Variants in ITSN2 observed in about 807,000 individuals in gnomAD.
ITSN2 encodes intersectin 2, also known as intersectin-2.
Under a neutral mutation model 243.7 loss-of-function variants are expected in ITSN2, and 156 were observed. That is an observed-to-expected ratio of 0.64 (90% CI 0.56 to 0.73). The LOEUF is 0.73. Ranked by LOEUF, ITSN2 falls within the 30% of genes least tolerant of loss-of-function variation. The pLI is 0.00. For synonymous variants in ITSN2, 703 were observed against 699.9 expected, an observed-to-expected ratio of 1.00 and a Z score of -0.07; for missense variants, 1,801 against 1,996.1, an observed-to-expected ratio of 0.90 and a Z score of 1.86.
In ITSN2 at chr2:24,254,356, C is replaced by G. The variant is rs751558482; in HGVS notation, c.2953+11G>C. 33 of 1,602,376 alleles carry G rather than the reference C, an allele frequency of 2.1e-5. No homozygotes were observed. The highest frequency in any genetic ancestry group is 3.3e-5 in the Admixed American group (2 of 59,924). ...GATTACCATCTAATTTACAAATTGC[C>G]AAAAGCTTACCTTCTCCAACTGAAT... On this transcript the variant is annotated intron_variant, in intron 24 of 39. Coordinates refer to ENST00000355123, the MANE Select transcript of ITSN2 (RefSeq NM_006277.3).
intron 19 of ITSN2, among the ~76,000 whole-genome samples, chr2:24,271,380 C>T (rs1461198392): frequency 6.6e-6 from 1 of 152,040 alleles, no homozygotes; most frequent in Non-Finnish European, 1.5e-5. Context: ...AAAAGAGATA[C>T]AATACTACTA....
chr2:24,284,689 A>C, intron 17 of ITSN2, 74 bp downstream of exon 17: 1 of 860,578 alleles, frequency 1.2e-6, no homozygotes, highest in Non-Finnish European at 1.9e-6. Context: ...GATAAAGGCA[A>C]AGAATAGTCT....
Position 24,315,882 on chromosome 2 carries a change from T to G in ITSN2, c.32-658A>C, listed in dbSNP as rs187522762. ...TGGAACTGTGAGTCAATTAAACCCT[T>G]TTTTTCATAAATTACTCAGTCTCAG... is the stretch of plus-strand genomic sequence containing the variant. On this transcript the variant is annotated intron_variant, in intron 2 of 39. Coordinates refer to ENST00000355123, the MANE Select transcript of ITSN2 (RefSeq NM_006277.3). Among the ~76,000 whole-genome samples, 143 of 152,318 alleles carry G rather than the reference T, an allele frequency of 9.4e-4. 1 individual carries two copies. The highest frequency in any genetic ancestry group is 1.5e-3 in the Non-Finnish European group (102 of 68,028).
intron 20 of ITSN2, among the ~76,000 whole-genome samples, chr2:24,266,615 C>G (rs1216076457): frequency 2.0e-5 from 3 of 151,996 alleles, no homozygotes; most frequent in Admixed American, 6.6e-5. Context: ...TCCTGTAAAT[C>G]TAGTTTAAGA....
At chr2:24,347,199 T>C (rs1011198969) in intron 1 of ITSN2, among the ~76,000 whole-genome samples, 1 of 151,862 alleles carries the variant, frequency 6.6e-6, no homozygotes, top group African/African-American at 2.4e-5. Flanking sequence ...AGAACAAAAA[T>C]AGATTGCAAG....
intron 10 of ITSN2, 108 bp from the exon 11 acceptor site, chr2:24,301,347 T>A: frequency 1.8e-6 from 1 of 558,000 alleles, no homozygotes; most frequent in Non-Finnish European, 3.2e-6. Flanking sequence ...AATACAGTAT[T>A]AAAGATATTT....
chr2:24,252,989 C>A (rs561733220), intron 24 of ITSN2, among the ~76,000 whole-genome samples: 1 of 152,304 alleles, frequency 6.6e-6, no homozygotes, highest in African/African-American at 2.4e-5. Context: ...CAGAAGACAG[C>A]AGCACTAGAA....
At chr2:24,219,917 G>A (rs752823569) in intron 30 of ITSN2, among the ~76,000 whole-genome samples, 1 of 152,196 alleles carries the variant, frequency 6.6e-6, no homozygotes, top group Non-Finnish European at 1.5e-5. Flanking sequence ...TGGAAAGGCC[G>A]ACCAAGGGCC....
At chr2:24,328,168 T>C in intron 1 of ITSN2, 53 bp from the exon 2 acceptor site, 1 of 1,287,658 alleles carries the variant, frequency 7.8e-7, no homozygotes, top group East Asian at 2.3e-5. Context: ...CAAATCACAG[T>C]TTAGTGCACC....
At chr2:24,244,884 G>T (rs1479966296) in intron 29 of ITSN2, among the ~76,000 whole-genome samples, 1 of 152,098 alleles carries the variant, frequency 6.6e-6, no homozygotes, top group Non-Finnish European at 1.5e-5. Context: ...TCTAAAGTGA[G>T]AATGCACAAA....
intron 29 of ITSN2, among the ~76,000 whole-genome samples, chr2:24,242,707 T>C (rs774336197): frequency 1.3e-4 from 20 of 152,180 alleles, no homozygotes; most frequent in Non-Finnish European, 2.6e-4. Flanking sequence ...ATTTAAACAG[T>C]TGTTTTATAG....
At chr2:24,254,671 A>G (rs1674786201) in intron 23 of ITSN2, among the ~76,000 whole-genome samples, 1 of 152,188 alleles carries the variant, frequency 6.6e-6, no homozygotes, top group Admixed American at 6.5e-5. Flanking sequence ...TGATTTACAA[A>G]TAGTTTTTCA....
chr2:24,208,639 G>C (rs1404083095), intron 36 of ITSN2, among the ~76,000 whole-genome samples: 1 of 152,224 alleles, frequency 6.6e-6, no homozygotes, highest in Non-Finnish European at 1.5e-5. Flanking sequence ...GCACCCCCCG[G>C]GTTGGCGCCG....
At position 24,312,291 on chromosome 2, in the gene ITSN2, T is replaced by C. The variant is rs1558608231; in HGVS notation, c.273A>G (p.Gln91=). The C allele has an allele frequency of 1.9e-6, 3 of 1,613,764 alleles. No homozygotes were observed. The East Asian group carries it at 6.7e-5, about 36-fold the overall frequency. ...GGAGAACCACAGGCAACTGTTGGCC[T>C]TGAAGCTTCAGTTTGATGAGTTTCA... ...IAMKLIKLKL[Q]GQQLPVVLPP... is the part of the protein sequence containing the mutation. The change falls in exon 5 of 40, where the codon CAA becomes CAG. Residue 91 remains glutamine (Q), a synonymous_variant. Transcript: ENST00000355123.
chr2:24,306,168 T>C (rs974642840), intron 8 of ITSN2, among the ~76,000 whole-genome samples: 2 of 152,112 alleles, frequency 1.3e-5, no homozygotes, highest in Non-Finnish European at 2.9e-5. Flanking sequence ...TTAGTAGCGA[T>C]GGGGTTTCAC....
intron 32 of ITSN2, among the ~76,000 whole-genome samples, chr2:24,214,681 T>A (rs1044437543): frequency 6.6e-6 from 1 of 152,166 alleles, no homozygotes; most frequent in Non-Finnish European, 1.5e-5. Flanking sequence ...TTTTATTACC[T>A]CTCTTCAATA....
chr2:24,232,437 G>T (rs1257722364), intron 29 of ITSN2, among the ~76,000 whole-genome samples: 3 of 152,148 alleles, frequency 2.0e-5, no homozygotes, highest in Non-Finnish European at 4.4e-5. Flanking sequence ...CAAAAGCGCA[G>T]ACCTGGCCCC....
rs1206003094 is a variant in ITSN2 at position 24,249,225 on chromosome 2, T to C, written c.3121-343A>G. Among the ~76,000 whole-genome samples, 1 of 152,216 alleles carries C rather than the reference T, an allele frequency of 6.6e-6. No homozygotes were observed. The highest frequency in any genetic ancestry group is 6.5e-5 in the Admixed American group (1 of 15,282). ...ATGGCGTTAGCACCAATGCCCACTA[T>C]GCACAACATATGTGTCCTGGATATG... On this transcript the variant is annotated intron_variant, in intron 25 of 39. Coordinates refer to ENST00000355123, the MANE Select transcript of ITSN2 (RefSeq NM_006277.3). This position sits in a 1 kb window ranked among gnomAD's most constrained non-coding sequence, Gnocchi z 4.4.
At chr2:24,246,564 A>G (rs1027372385) in intron 28 of ITSN2, among the ~76,000 whole-genome samples, 2 of 152,190 alleles carry the variant, frequency 1.3e-5, no homozygotes, top group African/African-American at 4.8e-5. Flanking sequence ...ATGGTGTAAC[A>G]ATTTCACATT....
Sources: gnomAD v4.1 joint callset for allele counts (sites outside exome capture counted in the v4.1 genomes callset) on GRCh38, gnomAD v4.1.1 for gene constraint, Gnocchi (gnomAD v3.1) non-coding constraint, MANE v1.5 for transcripts, NCBI Gene and HGNC (gene_info 2026-07-23, HGNC 2026-07-21) for gene names.